Variants in DNAAF4 observed in about 807,000 individuals in gnomAD.
DNAAF4 encodes dynein assembly factor 4, axonemal.
A neutral mutation model predicts 51.8 loss-of-function variants in DNAAF4; 43 were observed. The ratio of observed to expected loss-of-function variants is 0.83; its 90% CI spans 0.65 to 1.07. The LOEUF (loss-of-function observed/expected upper bound fraction) is 1.07, where lower values mean the gene tolerates loss of function less well. Ranked by LOEUF, DNAAF4 falls within the 50% of genes least tolerant of loss-of-function variation. The pLI, the probability that DNAAF4 is intolerant of heterozygous loss-of-function variation, is 0.00. For synonymous variants in DNAAF4, 194 were observed against 165.6 expected, an observed-to-expected ratio of 1.17 and a Z score of -1.32; for missense variants, 581 against 493.0, an observed-to-expected ratio of 1.18 and a Z score of -1.69.
At chr15:55,443,318 C>T in intron 6 of DNAAF4, 5 of 1,181,880 alleles carry the variant, frequency 4.2e-6, no homozygotes, top group Non-Finnish European at 6.1e-6. Flanking sequence ...TGGCAAAGGG[C>T]CCCCAGCGTG....
chr15:55,443,992 T>C (rs903798021), intron 6 of DNAAF4, among the ~76,000 whole-genome samples: 11 of 152,278 alleles, frequency 7.2e-5, no homozygotes, highest in Non-Finnish European at 1.3e-4. Flanking sequence ...ATTCTGTAGG[T>C]TGCCTGTTCA....
intron 9 of DNAAF4, among the ~76,000 whole-genome samples, chr15:55,431,843 C>T (rs1030367473): frequency 1.3e-5 from 2 of 152,050 alleles, no homozygotes; most frequent in African/African-American, 4.8e-5. Context: ...TCTCAAACTC[C>T]TGGCCTCAAG....
At chr15:55,492,537 T>C (rs1301467493) in intron 3 of DNAAF4, among the ~76,000 whole-genome samples, 2 of 151,990 alleles carry the variant, frequency 1.3e-5, no homozygotes, top group African/African-American at 4.8e-5. Context: ...AGAAATAAAA[T>C]TGTGATATAC....
intron 5 of DNAAF4, among the ~76,000 whole-genome samples, chr15:55,453,590 G>A (rs940823682): frequency 1.5e-5 from 2 of 132,168 alleles, no homozygotes; most frequent in Non-Finnish European, 3.1e-5. Flanking sequence ...TTGCTCTGTC[G>A]CCTAGGCTGG....
chr15:55,473,198 A>AAAAATATATATATATATATATATAT (rs1209754897), intron 4 of DNAAF4, among the ~76,000 whole-genome samples: 2 of 75,750 alleles, frequency 2.6e-5, no homozygotes, highest in African/African-American at 1.1e-4. Flanking sequence ...AAAAAAAAAA[A>AAAAATATATATATATATATATATAT]ATATATATAT....
downstream of DNAAF4, among the ~76,000 whole-genome samples, chr15:55,427,646 T>G (rs928486244): frequency 6.6e-6 from 1 of 151,226 alleles, no homozygotes; most frequent in African/African-American, 2.4e-5. Context: ...GACTTCTTTT[T>G]TTTTTTGAGA....
intron 7 of DNAAF4, among the ~76,000 whole-genome samples, chr15:55,423,138 A>G (rs1031761590): frequency 2.1e-4 from 31 of 150,830 alleles, no homozygotes; most frequent in African/African-American, 7.5e-4. Context: ...GAACAGATAA[A>G]TGGGGCAATA....
At chr15:55,439,292 T>C (rs2057668845) in intron 7 of DNAAF4, among the ~76,000 whole-genome samples, 180 bp downstream of exon 7, 1 of 152,170 alleles carries the variant, frequency 6.6e-6, no homozygotes, top group Admixed American at 6.6e-5. Context: ...TGTTTTTTTG[T>C]AGAGACAAAA....
intron 1 of DNAAF4, among the ~76,000 whole-genome samples, chr15:55,503,013 T>C (rs1478513432): frequency 1.3e-5 from 2 of 151,500 alleles, no homozygotes; most frequent in Non-Finnish European, 2.9e-5. Context: ...ATCAACAAAA[T>C]TGATAGACCT....
chr15:55,463,483 A>G (rs936190415), intron 5 of DNAAF4, among the ~76,000 whole-genome samples: 10 of 152,216 alleles, frequency 6.6e-5, no homozygotes, highest in African/African-American at 2.4e-4. Context: ...ATCAGTAAGG[A>G]GGAAGTCAAG....
rs186973479 is a variant in DNAAF4 at position 55,505,777 on chromosome 15, G to T, written c.-256+2345C>A. ...ACTGGGGCCTGTTGAGAGGTGGGGGGGCTGGGGGAGGGATAGCGTTAGGAG... is the reference window on the plus strand; with the variant it reads ...ACTGGGGCCTGTTGAGAGGTGGGGGTGCTGGGGGAGGGATAGCGTTAGGAG... On this transcript the variant is annotated intron_variant, in intron 1 of 9. Coordinates refer to ENST00000321149, the MANE Select transcript of DNAAF4 (RefSeq NM_130810.4). 5.3e-5 allele frequency among the ~76,000 whole-genome samples: 8 copies of T among 152,230 alleles called. No homozygotes were observed. The South Asian group carries it at 8.3e-4, about 16-fold the overall frequency.
At position 55,497,767 on chromosome 15, in the gene DNAAF4, G is replaced by T. The variant is rs755799549; in HGVS notation, c.216C>A (p.Val72=). The change falls in exon 3 of 10, where the codon GTC becomes GTA. Residue 72 remains valine, a synonymous_variant. Coordinates refer to ENST00000321149, the MANE Select transcript of DNAAF4 (RefSeq NM_130810.4). ...SKAKIGNDTI[V]FTLYKKEAAM... is the part of the protein sequence containing the mutation. ...CCGCTTCTTTTTTATACAAGGTGAA[G>T]ACAATGGTGTCATTCCCAATCTTTG... 1.5e-5 allele frequency: 24 copies of T among 1,612,858 alleles called. No homozygotes were observed. The Admixed American group carries it at 3.0e-4, about 20-fold the overall frequency.
intron 7 of DNAAF4, among the ~76,000 whole-genome samples, chr15:55,435,329 G>T (rs1401909852): frequency 6.6e-6 from 1 of 152,148 alleles, no homozygotes; most frequent in Non-Finnish European, 1.5e-5. Context: ...ATTGACTCAG[G>T]GATGGGCTAG....
chr15:55,429,492 T>C (rs1456518533), downstream of DNAAF4, among the ~76,000 whole-genome samples: 1 of 135,624 alleles, frequency 7.4e-6, no homozygotes, highest in Non-Finnish European at 1.5e-5. Flanking sequence ...CTCTCCAGTC[T>C]GGGCAACAAG....
At chr15:55,429,309 C>G (rs1478805372), downstream of DNAAF4, among the ~76,000 whole-genome samples, 1 of 147,372 alleles carries the variant, frequency 6.8e-6, no homozygotes, top group Non-Finnish European at 1.5e-5. Flanking sequence ...CACCTGAGGT[C>G]AGCAGTTCGA....
chr15:55,435,195 A>G (rs1013916264), intron 7 of DNAAF4, 137 bp from the exon 8 acceptor site: 15 of 844,546 alleles, frequency 1.8e-5, no homozygotes, highest in Non-Finnish European at 2.4e-5. Context: ...GCCTGCACTG[A>G]ATCCATCTCT....
rs747186302 is a variant in DNAAF4, at chr15:55,430,777, G to T, written c.1156C>A (p.Leu386Ile). The change falls in exon 10 of 10, where the codon CTA (leucine) becomes ATA (isoleucine). Residue 386 changes from leucine to isoleucine, a missense_variant and splice_region_variant. Physicochemically the swap from Leu to Ile is conservative, Grantham distance 5 (BLOSUM62 2). Transcript: ENST00000321149. ...FCQLELYVEG[L>I]QDYEAALKID... ...TTAAGTGCCGCTTCATAATCCTGTA[G>T]GCCTGTGTTTATATAGCAATGATGA... The T allele has an allele frequency of 1.2e-6, 2 of 1,609,700 alleles. No individual in the cohort carries two copies. The highest frequency in any genetic ancestry group is 1.7e-6 in the Non-Finnish European group (2 of 1,176,914).
chr15:55,496,645 A>C (rs1477005927), intron 3 of DNAAF4, among the ~76,000 whole-genome samples: 2 of 152,188 alleles, frequency 1.3e-5, no homozygotes, highest in Non-Finnish European at 2.9e-5. Flanking sequence ...ATGAGCCCAC[A>C]TCTTCTGCTT....
At position 55,424,016 on chromosome 15, in the gene DNAAF4, G is replaced by C. The variant is rs142893340; in HGVS notation, c.1048-5883C>G. On this transcript the variant is annotated intron_variant, in intron 7 of 7. Coordinates refer to the DNAAF4 transcript ENST00000448430. ...GAGGCAGGAGAATCACTTGAACCCA[G>C]GAGGTGGAGGTTGCAGTAAGCCTAC... 2.5e-3 allele frequency among the ~76,000 whole-genome samples: 387 copies of C among 152,302 alleles called. 2 individuals are homozygous for C. Among genetic ancestry groups the C allele is most frequent in the African/African-American group, 8.9e-3 (370 of 41,572 alleles).
Sources: allele counts gnomAD v4.1 joint callset (sites outside exome capture counted in the v4.1 genomes callset), GRCh38; gene constraint gnomAD v4.1.1; transcripts MANE v1.5; gene names NCBI Gene and HGNC (gene_info 2026-07-23, HGNC 2026-07-21).